DDX27: variants seen among roughly 807,000 people sequenced by gnomAD.
DDX27 encodes the protein DEAD-box helicase 27.
In DDX27, 42 loss-of-function variants were observed where a neutral mutation model predicts 99.3. The observed-to-expected ratio is 0.42, with a 90% CI of 0.33 to 0.55. DDX27 has a LOEUF of 0.55. Ranked by LOEUF, DDX27 falls within the 20% of genes least tolerant of loss-of-function variation. The probability of loss-of-function intolerance (pLI) is 0.07; values close to 1 mark genes in which losing one functional copy is unlikely to be tolerated. For missense variants in DDX27, 798 were observed against 976.8 expected (o/e 0.82, Z 2.44); for synonymous variants, 329 against 353.8 (o/e 0.93, Z 0.79).
At chr20:49,223,681 G>A (rs1979776703) in intron 4 of DDX27, among the ~76,000 whole-genome samples, 1 of 151,598 alleles carries the variant, frequency 6.6e-6, no homozygotes, top group Non-Finnish European at 1.5e-5. Context: ...AGGAGTTTGA[G>A]ACCAGCCTGG....
Position 49,242,181 on chromosome 20 carries a change from C to A in DDX27, c.2091C>A (p.Pro697=). 1 of 1,614,084 alleles carries A rather than the reference C, an allele frequency of 6.2e-7. No homozygotes were observed. Among genetic ancestry groups the A allele is most frequent in the Non-Finnish European group, 8.5e-7 (1 of 1,179,966 alleles). The change falls in exon 18 of 21, where the codon CCC becomes CCA. Residue 697 remains proline (P), a synonymous_variant. Transcript: ENST00000618172. ...NRRAKRARAM[P]EEEPVRGPAK... ...GAGCCAAGCGGGCCCGAGCAATGCC[C>A]GAGGAGGAGCCAGTGAGAGGTCCTG...
chr20:49,226,554 C>T lies in DDX27; in HGVS notation c.706+19C>T, dbSNP rs1979895553. ...GGGACAGGTGAAAAGGATAGGGACC[C>T]AGGGTGGGCAGAAGGGTGTTACGGC... is the stretch of plus-strand genomic sequence containing the variant. On this transcript the variant is annotated intron_variant, in intron 7 of 20. Coordinates refer to ENST00000618172, the MANE Select transcript of DDX27 (RefSeq NM_017895.8). 1.9e-6 allele frequency: 3 copies of T among 1,599,898 alleles called. No individual in the cohort carries two copies. The highest frequency in any genetic ancestry group is 2.7e-5 in the African/African-American group (2 of 74,572).
At chr20:49,228,638 T>TC in intron 7 of DDX27, 77 bp from the exon 8 acceptor site, 3 of 1,348,834 alleles carry the variant, frequency 2.2e-6, no homozygotes, top group Non-Finnish European at 3.0e-6. Flanking sequence ...ACGTAGTTTT[T>TC]CTGTGCTCTG....
At chr20:49,227,104 C>T (rs909160319) in intron 7 of DDX27, among the ~76,000 whole-genome samples, 4 of 147,142 alleles carry the variant, frequency 2.7e-5, no homozygotes, top group East Asian at 2.1e-4. Flanking sequence ...CCTCGTGATC[C>T]GCCCGCCTTG....
At chr20:49,219,733 G>A (rs866716053) in intron 1 of DDX27, among the ~76,000 whole-genome samples, 192 bp downstream of exon 1, 4 of 151,918 alleles carry the variant, frequency 2.6e-5, no homozygotes, top group Admixed American at 6.6e-5. Context: ...CTGCTTCTTT[G>A]GCCATGTCGT....
intron 16 of DDX27, 152 bp downstream of exon 16, chr20:49,239,490 G>GTGCATTAGATTCTCATAT: frequency 1.6e-6 from 1 of 632,928 alleles, no homozygotes. Context: ...CCACATTTGG[G>GTGCATTAGATTCTCATAT]GTGTGGGGGT....
intron 7 of DDX27, 50 bp downstream of exon 7, chr20:49,226,585 C>T (rs770772769): frequency 7.1e-7 from 1 of 1,414,964 alleles, no homozygotes; most frequent in Non-Finnish European, 9.9e-7. Context: ...ACGGCCAGGG[C>T]TGGGCTCTAG....
chr20:49,230,389 C>T (rs371236376), intron 9 of DDX27, 40 bp downstream of exon 9: 8 of 1,580,972 alleles, frequency 5.1e-6, no homozygotes, highest in Non-Finnish European at 6.8e-6. Context: ...CTGTGGGGTT[C>T]CAAGGCCCAG....
intron 14 of DDX27, 36 bp from the exon 15 acceptor site, chr20:49,238,913 C>T (rs1459040373): frequency 6.5e-7 from 1 of 1,533,922 alleles, no homozygotes; most frequent in South Asian, 1.1e-5. Flanking sequence ...CTGGCCTACC[C>T]TTATTTGTAA....
At chr20:49,239,876 A>G (rs950515404) in intron 16 of DDX27, among the ~76,000 whole-genome samples, 1 of 152,252 alleles carries the variant, frequency 6.6e-6, no homozygotes, top group Non-Finnish European at 1.5e-5. Context: ...TATACACACA[A>G]TGGAATATTA....
intron 2 of DDX27, among the ~76,000 whole-genome samples, chr20:49,222,152 A>C (rs1379054199): frequency 6.7e-6 from 1 of 150,258 alleles, no homozygotes; most frequent in Admixed American, 6.6e-5. Context: ...TTTTTTTTTG[A>C]GACAGAGTCT....
Position 49,233,872 on chromosome 20 carries a change from C to T in DDX27, c.1273+163C>T, listed in dbSNP as rs183303535. ...GATGATCCGCTGCCTCTCTTCTCCACGGGTCCTTCCTCCCTTTGCTTTATC... is the reference window on the plus strand; with the variant it reads ...GATGATCCGCTGCCTCTCTTCTCCATGGGTCCTTCCTCCCTTTGCTTTATC... On this transcript the variant is annotated intron_variant, in intron 11 of 20. Coordinates refer to ENST00000618172, the MANE Select transcript of DDX27 (RefSeq NM_017895.8). The T allele has an allele frequency of 3.3e-5, 24 of 724,170 alleles. No individual in the cohort carries two copies. The East Asian group carries it at 6.3e-4, about 19-fold the overall frequency. The allele number at this position is 724,170 out of a possible 1,614,324, so 44.9% of individuals were successfully genotyped here.
intron 17 of DDX27, 46 bp from the exon 18 acceptor site, chr20:49,242,037 G>A: frequency 6.2e-7 from 1 of 1,613,962 alleles, no homozygotes. Context: ...GGGTGGGTCA[G>A]AGTGGCCTGG....
intron 18 of DDX27, 61 bp from the exon 19 acceptor site, chr20:49,242,533 A>C: frequency 6.7e-7 from 1 of 1,502,526 alleles, no homozygotes; most frequent in Non-Finnish European, 9.2e-7. Context: ...CCTTGAACTT[A>C]AGGGGATTTA....
chr20:49,233,900 C>A lies in DDX27; in HGVS notation c.1273+191C>A, dbSNP rs994135323. ...GTCCTTCCTCCCTTTGCTTTATCGC[C>A]TCACCAATCCTCTTTGTGTCCTGTT... On this transcript the variant is annotated intron_variant, in intron 11 of 20. Coordinates refer to ENST00000618172, the MANE Select transcript of DDX27 (RefSeq NM_017895.8). 10 of 596,772 alleles carry A rather than the reference C, an allele frequency of 1.7e-5. No individual in the cohort carries two copies. In the East Asian group the frequency reaches 2.9e-4, roughly 17 times the overall value. The allele number at this position is 596,772 out of a possible 1,614,324, so 37.0% of individuals were successfully genotyped here.
chr20:49,232,959 G>A (rs966708297), intron 9 of DDX27, among the ~76,000 whole-genome samples: 2 of 151,378 alleles, frequency 1.3e-5, no homozygotes, highest in African/African-American at 2.4e-5. Context: ...GGAACCTGGA[G>A]GCAGCTGAAG....
Position 49,239,033 on chromosome 20 carries a change from A to T in DDX27, c.1772A>T (p.Glu591Val), listed in dbSNP as rs1425220940. The T allele has an allele frequency of 6.2e-7, 1 of 1,614,108 alleles. No homozygotes were observed. Among genetic ancestry groups the T allele is most frequent in the Non-Finnish European group, 8.5e-7 (1 of 1,179,952 alleles). ...CTGCAGCTAGAGGCGGAGGAAAAAG[A>T]GATGCAGCAGTCAGAAGCCCAGGTG... ...AVLQLEAEEK[E>V]MQQSEAQINT... is the part of the protein sequence containing the mutation. The change falls in exon 15 of 21, where the codon GAG becomes GTG. Residue 591 changes from glutamate to valine, a missense_variant. Around this residue, in one of 2 missense-constraint regions of DDX27, gnomAD observed 553 missense variants for 727.9 expected, o/e 0.76. Coordinates refer to ENST00000618172, the MANE Select transcript of DDX27 (RefSeq NM_017895.8).
chr20:49,224,978 A>G lies in DDX27; in HGVS notation c.500A>G (p.Lys167Arg). 6.2e-7 allele frequency: 1 copy of G among 1,614,222 alleles called. No homozygotes were observed. The highest frequency in any genetic ancestry group is 8.5e-7 in the Non-Finnish European group (1 of 1,180,040). ...TLKVKDRKKK[K>R]KKGQEAGGFF... ...AAAGTAAAGGATCGGAAGAAGAAGA[A>G]GAAGAAAGGACAGGTGAGCTTGGGG... is the stretch of plus-strand genomic sequence containing the variant. The change falls in exon 5 of 21, where the codon AAG becomes AGG. Residue 167 changes from lysine to arginine, a missense_variant. Lys to Arg is a conservative substitution (Grantham distance 26, BLOSUM62 2). This residue lies in a region of DDX27 where 245 missense variants were observed against 248.8 expected (regional missense o/e 0.98). Transcript: ENST00000618172.
At chr20:49,234,877 G>A (rs1980252354) in intron 11 of DDX27, 58 bp from the exon 12 acceptor site, 5 of 1,532,480 alleles carry the variant, frequency 3.3e-6, no homozygotes, top group South Asian at 1.3e-5. Context: ...TGAGGAGGGG[G>A]TACATGTTGA....
Sources: gnomAD v4.1 joint callset for allele counts (sites outside exome capture counted in the v4.1 genomes callset) on GRCh38, gnomAD v4.1.1 for gene constraint, gnomAD v4.1.1 regional missense constraint, MANE v1.5 for transcripts, NCBI Gene and HGNC (gene_info 2026-07-23, HGNC 2026-07-21) for gene names.